Variants in WDR25 observed in about 807,000 individuals in gnomAD.
WDR25 encodes WD repeat domain 25.
WDR25 carries 35 observed loss-of-function variants against 47.7 expected under a neutral mutation model. The ratio of observed to expected loss-of-function variants is 0.73; its 90% CI spans 0.56 to 0.97. WDR25 has a LOEUF of 0.97. Among genes scored for constraint, WDR25 ranks in the 50% least tolerant of loss-of-function variants. WDR25 has a pLI of 0.00. For synonymous variants in WDR25, 248 were observed against 278.9 expected (o/e 0.89, Z 1.10); for missense variants, 634 against 704.7 (o/e 0.90, Z 1.14).
chr14:100,411,941 A>G (rs1016727266), intron 2 of WDR25, among the ~76,000 whole-genome samples: 1 of 152,080 alleles, frequency 6.6e-6, no homozygotes, highest in African/African-American at 2.4e-5. Flanking sequence ...TAATGTTGAA[A>G]CCTCAGCTAG....
chr14:100,393,520 C>T (rs1216727884), intron 2 of WDR25, among the ~76,000 whole-genome samples: 1 of 152,126 alleles, frequency 6.6e-6, no homozygotes, highest in Non-Finnish European at 1.5e-5. Flanking sequence ...TCATCAGGTG[C>T]TGGCAGGGCT....
chr14:100,382,563 G>T (rs769523698), intron 2 of WDR25, among the ~76,000 whole-genome samples: 40 of 152,324 alleles, frequency 2.6e-4, no homozygotes, highest in Admixed American at 8.5e-4. Context: ...ACAGGCTACT[G>T]AAGTGATAGT....
chr14:100,448,588 A>G (rs922414890), intron 2 of WDR25, among the ~76,000 whole-genome samples: 1 of 152,164 alleles, frequency 6.6e-6, no homozygotes, highest in African/African-American at 2.4e-5. Context: ...ACACTATCTC[A>G]GAGGAGTGAG....
chr14:100,413,282 C>T (rs544570696), intron 2 of WDR25, among the ~76,000 whole-genome samples: 300 of 152,336 alleles, frequency 2.0e-3, no homozygotes, highest in South Asian at 4.1e-3. Context: ...AACCTTTCCC[C>T]TGACCCACAG....
chr14:100,487,407 T>C (rs1311268700), intron 4 of WDR25: 1 of 152,264 alleles, frequency 6.6e-6, no homozygotes, highest in Non-Finnish European at 1.5e-5. Flanking sequence ...AAAGGTTTAT[T>C]GGAACACAGC....
chr14:100,435,771 G>T (rs1898481600), intron 2 of WDR25, among the ~76,000 whole-genome samples: 1 of 152,242 alleles, frequency 6.6e-6, no homozygotes, highest in African/African-American at 2.4e-5. Context: ...TCCAGATGGG[G>T]ATCTTCATGG....
intron 4 of WDR25, among the ~76,000 whole-genome samples, chr14:100,497,557 C>G (rs552478599): frequency 6.6e-6 from 1 of 152,364 alleles, no homozygotes; most frequent in South Asian, 2.1e-4. Context: ...GTTTCTGTCT[C>G]TCTCTCACAA....
In WDR25 at chr14:100,492,785, G is replaced by T. The variant is rs1478479693; in HGVS notation, c.1101+8661G>T. Among the ~76,000 whole-genome samples, 6 of 151,986 alleles carry T rather than the reference G, an allele frequency of 3.9e-5. No individual in the cohort carries two copies. The East Asian group carries it at 5.8e-4, about 15-fold the overall frequency. ...AAAAAGTCATGGGCTTGATGCCTTA[G>T]TTATTTTTTTGTCTTAATATACTTT... On this transcript the variant is annotated intron_variant, in intron 4 of 6. Coordinates refer to ENST00000402312, the MANE Select transcript of WDR25 (RefSeq NM_001161476.3).
At chr14:100,526,954 C>A in intron 5 of WDR25, among the ~76,000 whole-genome samples, 1 of 6 alleles carries the variant, frequency 0.17, no homozygotes, top group African/African-American at 0.5. Flanking sequence ...CCATCTCTAT[C>A]ACCACCACCA....
chr14:100,433,269 C>G (rs746825319), intron 2 of WDR25, among the ~76,000 whole-genome samples: 1 of 152,200 alleles, frequency 6.6e-6, no homozygotes, highest in Non-Finnish European at 1.5e-5. Flanking sequence ...AGAGTACAAG[C>G]CAGTTATTTT....
chr14:100,447,257 T>G (rs192158786), intron 2 of WDR25, among the ~76,000 whole-genome samples: 78 of 152,352 alleles, frequency 5.1e-4, no homozygotes, highest in African/African-American at 1.5e-3. Flanking sequence ...AGGTGACTTT[T>G]TTAGAAGTGA....
chr14:100,519,302 T>G (rs2140378400), intron 4 of WDR25, among the ~76,000 whole-genome samples: 1 of 151,672 alleles, frequency 6.6e-6, no homozygotes, highest in Admixed American at 6.6e-5. Context: ...GCATAGTGGG[T>G]TTACTCCATT....
intron 2 of WDR25, among the ~76,000 whole-genome samples, chr14:100,452,131 A>G (rs911094863): frequency 6.6e-6 from 1 of 151,978 alleles, no homozygotes; most frequent in Admixed American, 6.6e-5. Flanking sequence ...CCATCCCTCC[A>G]TGCCATTCAT....
chr14:100,391,497 C>T (rs901131696), intron 2 of WDR25, among the ~76,000 whole-genome samples: 2 of 152,200 alleles, frequency 1.3e-5, no homozygotes, highest in African/African-American at 4.8e-5. Context: ...GCCACAGCTT[C>T]CTCAACCTTT....
chr14:100,519,471 A>G (rs958832974), intron 4 of WDR25, among the ~76,000 whole-genome samples: 1 of 151,774 alleles, frequency 6.6e-6, no homozygotes, highest in South Asian at 2.1e-4. Flanking sequence ...TTCATCTCAA[A>G]CATTGCATAC....
chr14:100,482,455 A>G (rs1217200609), intron 3 of WDR25, among the ~76,000 whole-genome samples: 1 of 152,202 alleles, frequency 6.6e-6, no homozygotes, highest in Non-Finnish European at 1.5e-5. Flanking sequence ...TGTTTATAAT[A>G]TGTTGGTACA....
At chr14:100,432,291 A>G (rs1898363086) in intron 2 of WDR25, among the ~76,000 whole-genome samples, 1 of 152,272 alleles carries the variant, frequency 6.6e-6, no homozygotes, top group South Asian at 2.1e-4. Context: ...CACTATAAAA[A>G]TATAATAAGT....
intron 3 of WDR25, among the ~76,000 whole-genome samples, chr14:100,481,456 A>G (rs371882956): frequency 3.3e-4 from 49 of 146,430 alleles, no homozygotes; most frequent in African/African-American, 1.2e-3. Flanking sequence ...TTTTTTTTTA[A>G]GAGGTGAAAT....
intron 2 of WDR25, among the ~76,000 whole-genome samples, chr14:100,389,871 A>G (rs1044816961): frequency 6.6e-6 from 1 of 152,178 alleles, no homozygotes; most frequent in Admixed American, 6.5e-5. Flanking sequence ...AACGAGGGCC[A>G]TACAGAGATG....
Sources: allele counts gnomAD v4.1 joint callset (sites outside exome capture counted in the v4.1 genomes callset), GRCh38; gene constraint gnomAD v4.1.1; transcripts MANE v1.5; gene names NCBI Gene and HGNC (gene_info 2026-07-23, HGNC 2026-07-21).